The following DST variants were observed in gnomAD, a reference collection of about 807,000 sequenced individuals.
The protein encoded by DST is bullous pemphigoid antigen.
Under a neutral mutation model 875.2 loss-of-function variants are expected in DST, and 253 were observed. The ratio of observed to expected loss-of-function variants is 0.29; its 90% confidence interval spans 0.26 to 0.32. The LOEUF is 0.32. DST is among the 10% of genes least tolerant of loss of function. DST has a pLI of 1.00. For missense variants in DST, 8,287 were observed against 9,111.6 expected, an observed-to-expected ratio of 0.91 and a Z score of 3.68; for synonymous variants, 3,124 against 3,197.1, an observed-to-expected ratio of 0.98 and a Z score of 0.77.
chr6:56,761,597 A>G (rs561030947), intron 4 of DST, among the ~76,000 whole-genome samples: 82 of 152,300 alleles, frequency 5.4e-4, no homozygotes, highest in African/African-American at 1.9e-3. Flanking sequence ...CCTTCTCAAC[A>G]TTAAAATCAT....
intron 3 of DST, among the ~76,000 whole-genome samples, chr6:56,888,679 C>A (rs531221010): frequency 2.0e-5 from 3 of 152,330 alleles, no homozygotes; most frequent in African/African-American, 7.2e-5. Context: ...GTCTTTCCTA[C>A]ACTCCAAAAA....
chr6:56,529,996 T>G lies in DST; in HGVS notation c.17246A>C (p.Glu5749Ala), dbSNP rs1456037201. Residue 5749 changes from glutamate to alanine, a missense_variant, in exon 65 of 104, where the codon GAG becomes GCG. Physicochemically the swap from Glu to Ala is moderately radical, Grantham distance 107. Coordinates refer to ENST00000680361, the MANE Select transcript of DST (RefSeq NM_001374736.1). ...EPIGTQASKL[E>A]EQIAQHKALE... ...TACTTTGTGCTGTGCAATTTGTTCC[T>G]CAAGTTTAGATGCTTGGGTTCCTAT... is the stretch of plus-strand genomic sequence containing the variant. 6.2e-7 allele frequency: 1 copy of G among 1,613,552 alleles called. No homozygotes were observed. Among genetic ancestry groups the G allele is most frequent in the Admixed American group, 1.7e-5 (1 of 59,938 alleles).
chr6:56,607,548 A>G lies in DST; in HGVS notation c.7080T>C (p.Ser2360=), dbSNP rs1023459128. ...AGTTTGTAAGTATGTTTTCAGAGTC[A>G]CTTCTAAGCATGCTAATGTCTGCAA... ...TELADISMLR[S]DSENILTNYE... is the part of the protein sequence containing the mutation. The change falls in exon 40 of 104, where the codon AGT becomes AGC. Residue 2360 remains serine, a synonymous_variant. Transcript: ENST00000680361. The G allele has an allele frequency of 2.5e-6, 4 of 1,608,882 alleles. No individual in the cohort carries two copies. Among genetic ancestry groups the G allele is most frequent in the African/African-American group, 1.3e-5 (1 of 74,824 alleles).
intron 2 of DST, among the ~76,000 whole-genome samples, chr6:56,935,863 T>C (rs1812756209): frequency 6.6e-6 from 1 of 150,530 alleles, no homozygotes; most frequent in African/African-American, 2.5e-5. Context: ...AGGCAGAGGT[T>C]GCAGTGAGCC....
At chr6:56,478,709 G>A (rs764106189) in intron 90 of DST, among the ~76,000 whole-genome samples, 3 of 152,142 alleles carry the variant, frequency 2.0e-5, no homozygotes, top group African/African-American at 7.2e-5. Flanking sequence ...CACCAAGAGC[G>A]ATTACTTGAT....
In DST at chr6:56,476,020, G is replaced by T. The variant is rs1230712566; in HGVS notation, c.21864+129C>A. ...CAGTTGCAGAGTTGGAAACACAGTTGTAAGGAGCTGAGGAGTCTGAAGAAG... is the reference window on the plus strand; with the variant it reads ...CAGTTGCAGAGTTGGAAACACAGTTTTAAGGAGCTGAGGAGTCTGAAGAAG... On this transcript the variant is annotated intron_variant, in intron 92 of 103. Coordinates refer to ENST00000680361, the MANE Select transcript of DST (RefSeq NM_001374736.1). 14 of 800,512 alleles carry T rather than the reference G, an allele frequency of 1.7e-5. No homozygotes were observed. In the Admixed American group the frequency reaches 2.5e-4, roughly 14 times the overall value. 49.6% of individuals were successfully genotyped at this position (800,512 alleles called of 1,614,324 possible). A position where few individuals can be genotyped will look rare whatever the true frequency, so the allele number is the denominator to read the frequency against.
intron 86 of DST, 22 bp downstream of exon 86, chr6:56,489,468 C>T (rs922635440): frequency 6.2e-7 from 1 of 1,602,166 alleles, no homozygotes; most frequent in Middle Eastern, 1.7e-4. Context: ...AGACAATATG[C>T]TCTTCTTAAT....
chr6:56,586,630 C>T (rs1232428157), intron 49 of DST, among the ~76,000 whole-genome samples: 5 of 152,114 alleles, frequency 3.3e-5, no homozygotes, highest in Non-Finnish European at 7.3e-5. Context: ...TGACCCCTGA[C>T]CCCCGAGCAG....
At chr6:56,953,573 T>G (rs563532693) in intron 2 of DST, among the ~76,000 whole-genome samples, 1 of 152,344 alleles carries the variant, frequency 6.6e-6, no homozygotes, top group South Asian at 2.1e-4. Context: ...TTTCCCCTCT[T>G]GTACAACAGC....
rs2098607301 is a variant in DST, at chr6:56,615,696, T to G, written c.4930-1212A>C. On this transcript the variant is annotated intron_variant, in intron 36 of 103. Coordinates refer to ENST00000680361, the MANE Select transcript of DST (RefSeq NM_001374736.1). ...TATGACTTTTGATCTTTGAGTTTTG[T>G]GGCAATGAGGACATCTATAATACCT... The G allele has an allele frequency of 6.2e-7, 1 of 1,614,212 alleles. No homozygotes were observed.
intron 67 of DST, among the ~76,000 whole-genome samples, 177 bp from the exon 68 acceptor site, chr6:56,527,911 A>G (rs1584108680): frequency 1.3e-5 from 2 of 152,244 alleles, no homozygotes; most frequent in East Asian, 3.8e-4. Context: ...CAAGATTTCC[A>G]GCAAATCTAA....
intron 4 of DST, among the ~76,000 whole-genome samples, chr6:56,739,126 C>A (rs1026627584): frequency 1.3e-5 from 2 of 148,778 alleles, no homozygotes; most frequent in Non-Finnish European, 3.0e-5. Flanking sequence ...CACAAAGCCT[C>A]TATGCTGCAA....
chr6:56,467,844 T>C (rs2094662393), intron 98 of DST, among the ~76,000 whole-genome samples: 1 of 152,198 alleles, frequency 6.6e-6, no homozygotes, highest in Non-Finnish European at 1.5e-5. Flanking sequence ...TGTTGCTGAC[T>C]GTGCTTTCAG....
intron 88 of DST, chr6:56,484,680 T>C (rs1303656601): frequency 6.6e-6 from 1 of 152,272 alleles, no homozygotes; most frequent in Non-Finnish European, 1.5e-5. Flanking sequence ...TTTTGGACCT[T>C]ACACTTAGTT....
chr6:56,628,256 C>T, intron 32 of DST, 95 bp from the exon 33 acceptor site: 1 of 1,108,452 alleles, frequency 9.0e-7, no homozygotes, highest in South Asian at 1.3e-5. Context: ...AATTGGACTG[C>T]AATGAACTAA....
intron 2 of DST, among the ~76,000 whole-genome samples, chr6:56,936,200 CTAGT>C (rs1247221662): frequency 1.3e-5 from 2 of 152,096 alleles, no homozygotes; most frequent in Admixed American, 1.3e-4. Context: ...GGAGGACAGA[CTAGT>C]TAAAGTCAGT....
At chr6:56,691,579 C>T (rs1308509427) in intron 9 of DST, among the ~76,000 whole-genome samples, 1 of 152,040 alleles carries the variant, frequency 6.6e-6, no homozygotes, top group Non-Finnish European at 1.5e-5. Context: ...AAGAAAAAGC[C>T]ATCAACTCCT....
rs539214224 is a variant in DST, at chr6:56,462,919, T to C, written c.23070+127A>G. On this transcript the variant is annotated intron_variant, in intron 102 of 103. Coordinates refer to ENST00000680361, the MANE Select transcript of DST (RefSeq NM_001374736.1). ...AACTGCTCGGTTGATACTTATCTTA[T>C]AGAAGTGTATAAAAAGACATAGGGT... 27 of 513,780 alleles carry C rather than the reference T, an allele frequency of 5.3e-5. No homozygotes were observed. In the South Asian group the frequency reaches 1.0e-3, roughly 19 times the overall value. 31.8% of individuals were successfully genotyped at this position (513,780 alleles called of 1,614,324 possible). A position where few individuals can be genotyped will look rare whatever the true frequency, so the allele number is the denominator to read the frequency against.
At chr6:56,762,791 T>C (rs940990147) in intron 4 of DST, among the ~76,000 whole-genome samples, 2 of 152,142 alleles carry the variant, frequency 1.3e-5, no homozygotes, top group African/African-American at 4.8e-5. Flanking sequence ...GAACTTATTT[T>C]AACAATCACT....
Sources: allele counts gnomAD v4.1 joint callset (sites outside exome capture counted in the v4.1 genomes callset), GRCh38; gene constraint gnomAD v4.1.1; transcripts MANE v1.5; gene names NCBI Gene and HGNC (gene_info 2026-07-23, HGNC 2026-07-21).